LRBA: variants seen among roughly 807,000 people sequenced by gnomAD.
LRBA encodes lipopolysaccharide-responsive and beige-like anchor protein.
Under a neutral mutation model 330.0 loss-of-function variants are expected in LRBA, and 176 were observed. The ratio of observed to expected loss-of-function variants is 0.53; its 90% CI spans 0.47 to 0.60. The LOEUF is 0.60. Among genes scored for constraint, LRBA ranks in the 20% least tolerant of loss-of-function variants. The probability of loss-of-function intolerance (pLI) is 0.00; values close to 1 mark genes in which losing one functional copy is unlikely to be tolerated. For synonymous variants in LRBA, 1,230 were observed against 1,193.0 expected (o/e 1.03, Z -0.64); for missense variants, 3,259 against 3,444.8 (o/e 0.95, Z 1.35).
chr4:150,953,902 C>T (rs1383445350), intron 2 of LRBA, among the ~76,000 whole-genome samples: 3 of 150,112 alleles, frequency 2.0e-5, no homozygotes, highest in Non-Finnish European at 4.4e-5. Flanking sequence ...GCCGTCATCC[C>T]GTCTAGGAAG....
At chr4:150,616,914 A>G (rs1775821805) in intron 37 of LRBA, among the ~76,000 whole-genome samples, 1 of 152,258 alleles carries the variant, frequency 6.6e-6, no homozygotes, top group Non-Finnish European at 1.5e-5. Flanking sequence ...CACTAGATAT[A>G]GAGAAATATA....
intron 40 of LRBA, among the ~76,000 whole-genome samples, chr4:150,502,692 CCAGA>C (rs1231320275): frequency 1.3e-5 from 2 of 152,212 alleles, no homozygotes; most frequent in Admixed American, 1.3e-4. Context: ...CTGGGGTGTG[CCAGA>C]CAGTGGGTGC....
intron 28 of LRBA, chr4:150,841,076 A>G (rs1298695702): frequency 1.2e-6 from 1 of 816,488 alleles, no homozygotes; most frequent in East Asian, 7.8e-5. Context: ...ACAAAGGTAC[A>G]TTTGTCTTTT....
In LRBA at chr4:150,516,217, C is replaced by CTTTT. The variant is rs869205771; in HGVS notation, c.6331-25186_6331-25183dup. 4.1e-3 allele frequency among the ~76,000 whole-genome samples: 122 copies of CTTTT among 29,442 alleles called. 13 individuals carry two copies. The highest frequency in any genetic ancestry group is 9.5e-3 in the African/African-American group (116 of 12,192). The allele number at this position is 29,442 out of a possible 152,430, so 19.3% of individuals were successfully genotyped here. A position where few individuals can be genotyped will look rare whatever the true frequency, so the allele number is the denominator to read the frequency against. On this transcript the variant is annotated intron_variant, in intron 40 of 56. Transcript: ENST00000651943. Reference sequence around the variant, plus strand: ...AATTCAGTCTGACATTTTCTATTCTCTTTTTTTTTTTTTTTTTTTTTTTTT... The same window carrying CTTTT: ...AATTCAGTCTGACATTTTCTATTCTCTTTTTTTTTTTTTTTTTTTTTTTTTTTTT...
chr4:150,485,900 T>C (rs542987032), intron 42 of LRBA, among the ~76,000 whole-genome samples: 75 of 152,078 alleles, frequency 4.9e-4, no homozygotes, highest in African/African-American at 1.6e-3. Flanking sequence ...GTATTTATAT[T>C]TAAATGGGGC....
At chr4:150,751,617 G>A (rs975417095) in intron 35 of LRBA, among the ~76,000 whole-genome samples, 3 of 151,734 alleles carry the variant, frequency 2.0e-5, no homozygotes, top group South Asian at 2.1e-4. Flanking sequence ...CAAAATGTTG[G>A]GTTTACTGTA....
intron 47 of LRBA, among the ~76,000 whole-genome samples, chr4:150,355,778 T>G (rs1262675318): frequency 6.6e-6 from 1 of 152,148 alleles, no homozygotes; most frequent in Non-Finnish European, 1.5e-5. Flanking sequence ...AAAATTTTAA[T>G]TGTACTTATA....
intron 28 of LRBA, among the ~76,000 whole-genome samples, chr4:150,836,205 G>A (rs1348393573): frequency 6.6e-6 from 1 of 152,190 alleles, no homozygotes; most frequent in Non-Finnish European, 1.5e-5. Flanking sequence ...CGGTTTGCCA[G>A]TATTTTAGTG....
intron 51 of LRBA, chr4:150,310,939 G>C (rs1408171886): frequency 6.6e-6 from 1 of 152,272 alleles, no homozygotes; most frequent in Non-Finnish European, 1.5e-5. Flanking sequence ...TGTAAGGAAA[G>C]GGTAGAATGA....
chr4:150,368,073 C>T (rs746100551), intron 47 of LRBA, among the ~76,000 whole-genome samples: 1 of 152,046 alleles, frequency 6.6e-6, no homozygotes, highest in Non-Finnish European at 1.5e-5. Flanking sequence ...GTGAGGTATC[C>T]TTCAAACTCA....
chr4:150,991,300 T>G (rs1268843796), intron 2 of LRBA, among the ~76,000 whole-genome samples: 3 of 152,126 alleles, frequency 2.0e-5, no homozygotes, highest in Non-Finnish European at 4.4e-5. Flanking sequence ...GTTTGACAGT[T>G]CTTATGAAGT....
At chr4:150,768,927 CTTTTTTTTTTTTTTTTTTTT>C (rs70941440) in intron 34 of LRBA, among the ~76,000 whole-genome samples, 10 of 75,026 alleles carry the variant, frequency 1.3e-4, no homozygotes, top group Non-Finnish European at 2.2e-4. Context: ...GTGCTGTCTC[CTTTTTTTTTTTTTTTTTTTT>C]TTTTTTTTGA....
At chr4:150,647,285 G>C (rs1193670924) in intron 37 of LRBA, among the ~76,000 whole-genome samples, 1 of 147,024 alleles carries the variant, frequency 6.8e-6, no homozygotes, top group African/African-American at 2.5e-5. Flanking sequence ...GTAGGAAAAT[G>C]CTTTATGACT....
intron 56 of LRBA, among the ~76,000 whole-genome samples, chr4:150,277,637 C>T (rs768520844): frequency 2.0e-5 from 3 of 152,020 alleles, no homozygotes; most frequent in Non-Finnish European, 2.9e-5. Context: ...TAAATTCCCT[C>T]TGCAGGTTTT....
intron 56 of LRBA, among the ~76,000 whole-genome samples, chr4:150,275,378 A>G (rs1746620113): frequency 6.6e-6 from 1 of 152,148 alleles, no homozygotes; most frequent in Non-Finnish European, 1.5e-5. Flanking sequence ...CAAGACAAGG[A>G]TATACCCTCT....
At chr4:150,828,090 C>T (rs968968538) in intron 30 of LRBA, 90 bp downstream of exon 30, 49 of 1,149,798 alleles carry the variant, frequency 4.3e-5, no homozygotes, top group Middle Eastern at 2.2e-4. Context: ...TGTGGATTTT[C>T]GGCTACACAG....
intron 2 of LRBA, among the ~76,000 whole-genome samples, chr4:150,940,461 A>T (rs1482591644): frequency 6.6e-6 from 1 of 152,354 alleles, no homozygotes; most frequent in East Asian, 1.9e-4. Flanking sequence ...AGAAAAAGAG[A>T]TTCCAAGTAA....
At chr4:150,715,625 A>G (rs1245087438) in intron 36 of LRBA, among the ~76,000 whole-genome samples, 3 of 152,190 alleles carry the variant, frequency 2.0e-5, no homozygotes, top group African/African-American at 4.8e-5. Context: ...TGTATATTTT[A>G]TTTGTATGTT....
rs371648519 is a variant in LRBA, at chr4:150,987,642, G to A, written c.216+26785C>T. On this transcript the variant is annotated intron_variant, in intron 2 of 56. Transcript: ENST00000651943. ...AATCGCTTGAACCTGGGAGACAGAGGTGGCAGTGAGCTGAGATCGCACCAC... is the reference window on the plus strand; with the variant it reads ...AATCGCTTGAACCTGGGAGACAGAGATGGCAGTGAGCTGAGATCGCACCAC... Among the ~76,000 whole-genome samples the A allele has an allele frequency of 1.7e-4, 26 of 152,048 alleles. 2 individuals are homozygous for A. Among genetic ancestry groups the A allele is most frequent in the East Asian group, 1.2e-3 (6 of 5,160 alleles).
Sources: allele counts gnomAD v4.1 joint callset (sites outside exome capture counted in the v4.1 genomes callset), GRCh38; gene constraint gnomAD v4.1.1; transcripts MANE v1.5; gene names NCBI Gene and HGNC (gene_info 2026-07-23, HGNC 2026-07-21).